Variants in ABCC11 observed in about 807,000 individuals in gnomAD.
ABCC11 encodes the protein ATP binding cassette subfamily C member 11, also known as ATP-binding cassette sub-family C member 11.
A neutral mutation model predicts 149.3 loss-of-function variants in ABCC11; 135 were observed. The ratio of observed to expected loss-of-function variants is 0.90; its 90% confidence interval spans 0.79 to 1.04. The LOEUF is 1.04. ABCC11 is among the 50% of genes least tolerant of loss of function. The pLI is 0.00. For missense variants in ABCC11, 1,680 were observed against 1,722.1 expected, an observed-to-expected ratio of 0.98 and a Z score of 0.43; for synonymous variants, 665 against 671.4, an observed-to-expected ratio of 0.99 and a Z score of 0.15.
chr16:48,222,645 C>A lies in ABCC11; in HGVS notation c.730G>T (p.Glu244Ter), dbSNP rs759497623. The A allele has an allele frequency of 1.9e-6, 3 of 1,614,154 alleles. No homozygotes were observed. In the Admixed American group the frequency reaches 5.0e-5, roughly 27 times the overall value. The change falls in exon 6 of 30, where the codon GAG (glutamate) becomes TAG (stop). Residue 244 changes from glutamate (E) to a stop codon, truncating the protein, a stop_gained. Coordinates refer to ENST00000356608, the MANE Select transcript of ABCC11 (RefSeq NM_001370497.1). LOFTEE classifies it high-confidence loss of function. ...ACAGACTTAAATTGGATGAGCTTCT[C>A]AAAGGCAAAGGAGGAAACAGCTGCT... is the stretch of plus-strand genomic sequence containing the variant. ...FRAAVSSFAFEKLIQFKSVIH... is the reference protein window; with the variant it reads ...FRAAVSSFAF
chr16:48,213,587 C>T (rs1302698499), intron 9 of ABCC11, 37 bp from the exon 10 acceptor site: 1 of 1,537,264 alleles, frequency 6.5e-7, no homozygotes, highest in Admixed American at 2.0e-5. Context: ...AGGGTCGTGG[C>T]CCTTCCTGCT....
In ABCC11 at chr16:48,203,256, TC is replaced by T. The variant is rs761294250; in HGVS notation, c.1849del (p.Glu617AsnfsTer8). 3.8e-5 allele frequency: 60 copies of T among 1,582,500 alleles called. No homozygotes were observed. The highest frequency in any genetic ancestry group is 4.1e-5 in the Non-Finnish European group (48 of 1,163,590). On this transcript the variant is annotated frameshift_variant, in exon 14 of 30. Coordinates refer to ENST00000356608, the MANE Select transcript of ABCC11 (RefSeq NM_001370497.1). LOFTEE classifies it high-confidence loss of function. ...TGTCATGTCTCCAAAGGGCAGAAGT[TC>T]CAGGTCCCGATTCAGGGAGCAGCAG... ...LHCCSLNRDL[E>X]LLPFGDMTEI...
At chr16:48,179,499 G>A (rs537510538) in intron 23 of ABCC11, among the ~76,000 whole-genome samples, 2 of 152,230 alleles carry the variant, frequency 1.3e-5, no homozygotes, top group East Asian at 1.9e-4. Flanking sequence ...CGTGCAGGGG[G>A]TGCTGGGTAA....
chr16:48,233,001 A>C (rs1042859676), intron 1 of ABCC11, among the ~76,000 whole-genome samples: 7 of 152,218 alleles, frequency 4.6e-5, no homozygotes, highest in Admixed American at 3.3e-4. Context: ...GGAGTTTGAG[A>C]CCAGCCTGGG....
At chr16:48,218,582 T>C (rs1289725365) in intron 6 of ABCC11, among the ~76,000 whole-genome samples, 1 of 152,232 alleles carries the variant, frequency 6.6e-6, no homozygotes, top group Non-Finnish European at 1.5e-5. Context: ...AATAATGATA[T>C]GGTTTGGCTG....
At chr16:48,214,650 C>A (rs59953548) in intron 9 of ABCC11, among the ~76,000 whole-genome samples, 2,720 of 152,278 alleles carry the variant, frequency 0.018, 99 homozygotes, top group African/African-American at 0.063. Flanking sequence ...CCACCTCCCC[C>A]ACACCCCCGA....
At chr16:48,238,548 C>A (rs1017964105) in intron 1 of ABCC11, among the ~76,000 whole-genome samples, 7 of 151,702 alleles carry the variant, frequency 4.6e-5, no homozygotes, top group Non-Finnish European at 7.4e-5. Context: ...AACCTAAGGC[C>A]AAACCCAAGT....
chr16:48,185,279 T>A (rs1353774499), intron 22 of ABCC11, among the ~76,000 whole-genome samples: 1 of 152,220 alleles, frequency 6.6e-6, no homozygotes, highest in Non-Finnish European at 1.5e-5. Flanking sequence ...AATTAAAAAG[T>A]TTATTCCGTG....
chr16:48,169,895 C>T (rs1422324866), intron 28 of ABCC11, among the ~76,000 whole-genome samples: 6 of 152,070 alleles, frequency 3.9e-5, no homozygotes, highest in Admixed American at 3.9e-4. Flanking sequence ...TGCACATGTA[C>T]CCTAGAACTT....
At chr16:48,224,165 G>A in intron 5 of ABCC11, 117 bp downstream of exon 5, 1 of 1,337,692 alleles carries the variant, frequency 7.5e-7, no homozygotes, top group Non-Finnish European at 1.0e-6. Context: ...TTTCTAGACA[G>A]CAACTGAAAG....
chr16:48,225,228 T>TA (rs1201548214), intron 4 of ABCC11, among the ~76,000 whole-genome samples: 2 of 151,926 alleles, frequency 1.3e-5, no homozygotes, highest in African/African-American at 4.8e-5. Flanking sequence ...TAAAATAAAA[T>TA]AAAATAACAC....
intron 1 of ABCC11, among the ~76,000 whole-genome samples, chr16:48,245,404 G>A (rs1454613825): frequency 2.6e-5 from 4 of 152,102 alleles, no homozygotes; most frequent in Non-Finnish European, 5.9e-5. Flanking sequence ...GAAACTGACA[G>A]CATCCATCTC....
At chr16:48,205,009 G>A (rs1037370621) in intron 13 of ABCC11, among the ~76,000 whole-genome samples, 11 of 152,112 alleles carry the variant, frequency 7.2e-5, no homozygotes, top group East Asian at 3.8e-4. Flanking sequence ...GAACCTCATC[G>A]CTCCCATTTG....
intron 7 of ABCC11, among the ~76,000 whole-genome samples, 178 bp from the exon 8 acceptor site, chr16:48,215,522 G>A (rs1969272236): frequency 6.6e-6 from 1 of 152,178 alleles, no homozygotes; most frequent in Admixed American, 6.5e-5. Flanking sequence ...TCTTTCCTGA[G>A]TCCCAAGCCA....
intron 25 of ABCC11, 89 bp downstream of exon 25, chr16:48,176,835 T>C: frequency 7.1e-7 from 1 of 1,412,740 alleles, no homozygotes; most frequent in East Asian, 2.5e-5. Context: ...ATTTGGGGGA[T>C]GACTGAGCAA....
chr16:48,201,373 C>T (rs1654511172), intron 14 of ABCC11, among the ~76,000 whole-genome samples: 1 of 152,122 alleles, frequency 6.6e-6, no homozygotes, highest in South Asian at 2.1e-4. Flanking sequence ...CTCCGCCTCT[C>T]AGTCTCAAGC....
Position 48,227,423 on chromosome 16 carries a change from G to C in ABCC11, c.395+383C>G, listed in dbSNP as rs979713073. 3.4e-5 allele frequency among the ~76,000 whole-genome samples: 5 copies of C among 148,864 alleles called. No homozygotes were observed. In the South Asian group the frequency reaches 1.1e-3, roughly 32 times the overall value. Reference sequence around the variant, plus strand: ...CAGGAGGCAGAGGTTGCAGTCAGCCGAGATTGCACCACGCTGCACTCCAGC... The same window carrying C: ...CAGGAGGCAGAGGTTGCAGTCAGCCCAGATTGCACCACGCTGCACTCCAGC... On this transcript the variant is annotated intron_variant, in intron 4 of 29. Transcript: ENST00000356608.
At chr16:48,223,150 G>A (rs1969857341) in intron 5 of ABCC11, among the ~76,000 whole-genome samples, 1 of 152,198 alleles carries the variant, frequency 6.6e-6, no homozygotes, top group Non-Finnish European at 1.5e-5. Flanking sequence ...AATCCAACAA[G>A]GCCTGGTGGA....
chr16:48,217,381 G>A (rs1596804517), intron 6 of ABCC11, among the ~76,000 whole-genome samples: 1 of 152,138 alleles, frequency 6.6e-6, no homozygotes, highest in East Asian at 1.9e-4. Flanking sequence ...GGATCACTTG[G>A]GCCCAGGAGT....
Sources: gnomAD v4.1 joint callset for allele counts (sites outside exome capture counted in the v4.1 genomes callset) on GRCh38, gnomAD v4.1.1 for gene constraint, MANE v1.5 for transcripts, NCBI Gene and HGNC (gene_info 2026-07-23, HGNC 2026-07-21) for gene names.